Variants in RNF213 observed in about 807,000 individuals in gnomAD.
RNF213 encodes ring finger protein 213.
A neutral mutation model predicts 514.4 loss-of-function variants in RNF213; 341 were observed. The observed-to-expected ratio is 0.66, with a 90% CI of 0.61 to 0.73. The LOEUF (loss-of-function observed/expected upper bound fraction) is 0.73, where lower values mean the gene tolerates loss of function less well. RNF213 is among the 30% of genes least tolerant of loss of function. The pLI is 0.00. For synonymous variants in RNF213, 2,655 were observed against 2,658.2 expected (o/e 1.00, Z 0.04); for missense variants, 5,767 against 6,615.6 (o/e 0.87, Z 4.45).
intron 6 of RNF213, among the ~76,000 whole-genome samples, 156 bp from the exon 7 acceptor site, chr17:80,290,406 TGTGTGTGC>T (rs763210382): frequency 1.6e-3 from 224 of 136,858 alleles, no homozygotes; most frequent in South Asian, 2.5e-3. Context: ...CGTGTGCTTG[TGTGTGTGC>T]GTGTGTGCGA....
In RNF213 at chr17:80,271,271, G is replaced by C. The variant is rs933529799; in HGVS notation, c.98-1970G>C. Reference sequence around the variant, plus strand: ...GTTTCATGTGTGTCTTATGTATGTAGACGTTTAGAGGATTTGTTATCAATT... The same window carrying C: ...GTTTCATGTGTGTCTTATGTATGTACACGTTTAGAGGATTTGTTATCAATT... On this transcript the variant is annotated intron_variant, in intron 2 of 67. Coordinates refer to ENST00000582970, the MANE Select transcript of RNF213 (RefSeq NM_001256071.3). 5.9e-5 allele frequency among the ~76,000 whole-genome samples: 9 copies of C among 152,172 alleles called. No homozygotes were observed. In the East Asian group the frequency reaches 1.3e-3, roughly 23 times the overall value.
intron 17 of RNF213, among the ~76,000 whole-genome samples, chr17:80,324,118 C>T (rs2046218683): frequency 6.6e-6 from 1 of 152,140 alleles, no homozygotes; most frequent in Non-Finnish European, 1.5e-5. Flanking sequence ...GCTAGAACCT[C>T]CAGTACAATG....
chr17:80,298,700 C>A, intron 11 of RNF213, 182 bp downstream of exon 11: 1 of 679,764 alleles, frequency 1.5e-6, no homozygotes. Context: ...CACAGTGGCT[C>A]ACGCCTGTAA....
intron 21 of RNF213, among the ~76,000 whole-genome samples, chr17:80,333,012 T>G (rs2046458523): frequency 6.6e-6 from 1 of 151,810 alleles, no homozygotes; most frequent in South Asian, 2.1e-4. Context: ...CCAAAAGCGG[T>G]AAATCAGTTG....
chr17:80,323,283 C>T (rs1372940084), intron 17 of RNF213, among the ~76,000 whole-genome samples: 1 of 152,212 alleles, frequency 6.6e-6, no homozygotes, highest in African/African-American at 2.4e-5. Context: ...GTTTGGACTA[C>T]CATTGCTTTC....
At chr17:80,372,834 G>T in intron 48 of RNF213, 100 bp downstream of exon 48, 1 of 1,387,418 alleles carries the variant, frequency 7.2e-7, no homozygotes, top group Non-Finnish European at 1.0e-6. Flanking sequence ...ACTACTACTG[G>T]GCTTTTCTAC....
intron 26 of RNF213, among the ~76,000 whole-genome samples, chr17:80,342,648 T>C (rs936969569): frequency 8.2e-5 from 12 of 146,946 alleles, no homozygotes; most frequent in African/African-American, 3.0e-4. Flanking sequence ...ATTCTATATA[T>C]TTTTACATAT....
At chr17:80,335,887 G>T (rs997095902) in intron 22 of RNF213, among the ~76,000 whole-genome samples, 7 of 150,250 alleles carry the variant, frequency 4.7e-5, no homozygotes, top group Non-Finnish European at 1.0e-4. Context: ...TGAGGCAAGA[G>T]AATCACTTAA....
At position 80,354,818 on chromosome 17, in the gene RNF213, TAAAA is replaced by T. The variant is rs377196511; in HGVS notation, c.10862+246_10862+249del. 284 of 561,446 alleles carry T rather than the reference TAAAA, an allele frequency of 5.1e-4. 2 individuals carry two copies. The highest frequency in any genetic ancestry group is 5.0e-3 in the African/African-American group (268 of 53,196). The allele number at this position is 561,446 out of a possible 1,614,324, so 34.8% of individuals were successfully genotyped here. A position where few individuals can be genotyped will look rare whatever the true frequency, so the allele number is the denominator to read the frequency against. ...TTTACAGTTTTTCATACTAAAAACTTAAAAAAAGTAAAACATCTGTTCTTAGAGT... is the reference window on the plus strand; with the variant it reads ...TTTACAGTTTTTCATACTAAAAACTTAAAGTAAAACATCTGTTCTTAGAGT... On this transcript the variant is annotated intron_variant, in intron 36 of 67. Transcript: ENST00000582970.
At position 80,328,569 on chromosome 17, in the gene RNF213, T is replaced by C. The variant is rs548238429; in HGVS notation, c.3517+92T>C. On this transcript the variant is annotated intron_variant, in intron 20 of 67. Transcript: ENST00000582970. ...TGGATCACAGTAGCAGATCTTTATT[T>C]TGGAGAGAAGGCTTTAAAATTTTTT... The C allele has an allele frequency of 1.8e-4, 242 of 1,331,150 alleles. 3 individuals carry two copies. The African/African-American group carries it at 3.0e-3, about 17-fold the overall frequency. The allele number at this position is 1,331,150 out of a possible 1,614,324, so 82.5% of individuals were successfully genotyped here.
Position 80,317,152 on chromosome 17 carries a change from G to C in RNF213, c.2812-36G>C. On this transcript the variant is annotated intron_variant, in intron 15 of 67. Transcript: ENST00000582970. The surrounding 1 kb of genome is among the most constrained non-coding windows in gnomAD (Gnocchi z 4.1). ...TGGGAGTGTGCCGTGGCATTTAGTCGTGAGAGTGGGTGTGACCTGTGTGCG... is the reference window on the plus strand; with the variant it reads ...TGGGAGTGTGCCGTGGCATTTAGTCCTGAGAGTGGGTGTGACCTGTGTGCG... 1 of 1,600,082 alleles carries C rather than the reference G, an allele frequency of 6.2e-7. No homozygotes were observed. Among genetic ancestry groups the C allele is most frequent in the Non-Finnish European group, 8.5e-7 (1 of 1,172,760 alleles).
At chr17:80,354,789 C>T (rs2078670198) in intron 36 of RNF213, 5 of 613,166 alleles carry the variant, frequency 8.2e-6, no homozygotes, top group African/African-American at 3.7e-5. Context: ...CCTCTAATTT[C>T]GTGTTTACAG....
Position 80,306,484 on chromosome 17 carries a change from C to G in RNF213, c.2427+16C>G, listed in dbSNP as rs759943553. On this transcript the variant is annotated intron_variant, in intron 12 of 67. Transcript: ENST00000582970. ...GAATACGCAGGTTTGTGTCTGAAGTCGGCTCTGGAGTCCTGGCTTAGCAAA... is the reference window on the plus strand; with the variant it reads ...GAATACGCAGGTTTGTGTCTGAAGTGGGCTCTGGAGTCCTGGCTTAGCAAA... 1.9e-6 allele frequency: 3 copies of G among 1,611,824 alleles called. No individual in the cohort carries two copies. Among genetic ancestry groups the G allele is most frequent in the Admixed American group, 1.7e-5 (1 of 59,982 alleles).
At chr17:80,284,420 T>C (rs1429813129) in intron 3 of RNF213, among the ~76,000 whole-genome samples, 1 of 151,984 alleles carries the variant, frequency 6.6e-6, no homozygotes, top group Non-Finnish European at 1.5e-5. Flanking sequence ...GGCATGTGCC[T>C]GTAATCCCAG....
At chr17:80,262,817 A>AG (rs1231495831) in intron 1 of RNF213, among the ~76,000 whole-genome samples, 1 of 152,030 alleles carries the variant, frequency 6.6e-6, no homozygotes, top group Non-Finnish European at 1.5e-5. Context: ...GTGGGAGGAG[A>AG]GGGCAGGGCC....
intron 42 of RNF213, among the ~76,000 whole-genome samples, chr17:80,366,807 G>A (rs1373662491): frequency 6.6e-6 from 1 of 152,166 alleles, no homozygotes; most frequent in East Asian, 1.9e-4. Flanking sequence ...GGAACAGGAA[G>A]GAACTCTCCT....
Position 80,369,488 on chromosome 17 carries a change from T to G in RNF213, c.12156-14T>G, listed in dbSNP as rs2079427060. ...AAACACCATCCACCTGTCTTCTGTT[T>G]CTCGTGTTCTAAGGGAAGCCATTGA... On this transcript the variant is annotated splice_polypyrimidine_tract_variant and intron_variant, in intron 44 of 67. Transcript: ENST00000582970. 1 of 1,612,514 alleles carries G rather than the reference T, an allele frequency of 6.2e-7. No homozygotes were observed. Among genetic ancestry groups the G allele is most frequent in the African/African-American group, 1.3e-5 (1 of 74,998 alleles).
chr17:80,294,590 C>G (rs1362880668), intron 8 of RNF213, 130 bp from the exon 9 acceptor site: 1 of 1,182,658 alleles, frequency 8.5e-7, no homozygotes, highest in Non-Finnish European at 1.2e-6. Context: ...TTTTGCTTTT[C>G]CCTTCCTCCC....
At chr17:80,392,405 C>G (rs981678365) in intron 67 of RNF213, among the ~76,000 whole-genome samples, 2 of 152,088 alleles carry the variant, frequency 1.3e-5, no homozygotes, top group African/African-American at 4.8e-5. Context: ...TTTATGCAAC[C>G]CTGTAAATAA....
Sources: allele counts gnomAD v4.1 joint callset (sites outside exome capture counted in the v4.1 genomes callset), GRCh38; gene constraint gnomAD v4.1.1; non-coding constraint Gnocchi (gnomAD v3.1); transcripts MANE v1.5; gene names NCBI Gene and HGNC (gene_info 2026-07-23, HGNC 2026-07-21).